The following PIK3C2G variants were observed in gnomAD, a reference collection of about 807,000 sequenced individuals.
PIK3C2G encodes phosphatidylinositol-4-phosphate 3-kinase catalytic subunit type 2 gamma.
In PIK3C2G, 168 loss-of-function variants were observed where a neutral mutation model predicts 181.1. That is an observed-to-expected ratio of 0.93 (90% CI 0.82 to 1.05). The LOEUF (loss-of-function observed/expected upper bound fraction) is 1.05. PIK3C2G is among the 50% of genes least tolerant of loss of function. PIK3C2G has a pLI of 0.00. For synonymous variants in PIK3C2G, 573 were observed against 592.2 expected (o/e 0.97, Z 0.47); for missense variants, 1,869 against 1,732.8 (o/e 1.08, Z -1.40).
At chr12:18,642,861 TAGAG>T (rs1217687415) in intron 32 of PIK3C2G, among the ~76,000 whole-genome samples, 5 of 151,180 alleles carry the variant, frequency 3.3e-5, no homozygotes, top group South Asian at 2.1e-4. Flanking sequence ...CATATATATA[TAGAG>T]AGAGAGAGAT....
chr12:18,360,741 C>G (rs1016805533), intron 11 of PIK3C2G, among the ~76,000 whole-genome samples: 1 of 152,100 alleles, frequency 6.6e-6, no homozygotes, highest in African/African-American at 2.4e-5. Flanking sequence ...AATAATCTTA[C>G]GAATGTTCTC....
intron 5 of PIK3C2G, among the ~76,000 whole-genome samples, chr12:18,294,398 C>A (rs778683632): frequency 5.6e-4 from 85 of 151,902 alleles, no homozygotes; most frequent in Non-Finnish European, 1.0e-3. Context: ...TAAATAAATT[C>A]TTTGGTGATA....
At position 18,563,483 on chromosome 12, in the gene PIK3C2G, C is replaced by T; in HGVS notation, c.3887C>T (p.Ser1296Leu). 1 of 1,613,732 alleles carries T rather than the reference C, an allele frequency of 6.2e-7. No homozygotes were observed. The highest frequency in any genetic ancestry group is 2.2e-5 in the East Asian group (1 of 44,850). Residue 1296 changes from serine to leucine, a missense_variant, in exon 28 of 33, where the codon TCA (serine) becomes TTA (leucine). Transcript: ENST00000538779. ...AGCCAACTTCAGAAGCAGTTTGCATCACTGACTCTCCCAGAGTAAGGCACT... is the reference window on the plus strand; with the variant it reads ...AGCCAACTTCAGAAGCAGTTTGCATTACTGACTCTCCCAGAGTAAGGCACT... ...LHSQLQKQFA[S>L]LTLPEFPHWW...
chr12:18,409,565 A>C (rs1003267710), intron 16 of PIK3C2G, among the ~76,000 whole-genome samples: 2 of 152,124 alleles, frequency 1.3e-5, no homozygotes, highest in African/African-American at 4.8e-5. Flanking sequence ...TAAAAAATAA[A>C]AATAAGCTTC....
chr12:18,705,122 A>G, the PIK3C2G span: 2 of 1,604,026 alleles, frequency 1.2e-6, no homozygotes, highest in Admixed American at 1.7e-5. Context: ...ACATGTTTTC[A>G]TGGACTTTTT....
intron 22 of PIK3C2G, among the ~76,000 whole-genome samples, 197 bp from the exon 23 acceptor site, chr12:18,503,084 C>T (rs1258728030): frequency 7.2e-5 from 11 of 152,128 alleles, no homozygotes; most frequent in Admixed American, 7.2e-4. Context: ...GATCCAAACA[C>T]AAGTAGCCTC....
In PIK3C2G at chr12:18,488,480, T is replaced by C. The variant is rs751991133; in HGVS notation, c.2536T>C (p.Phe846Leu). The change falls in exon 19 of 33, where the codon TTT (phenylalanine) becomes CTT (leucine). Residue 846 changes from phenylalanine (F) to leucine (L), a missense_variant. By Grantham distance (22) the Phe-to-Leu change is conservative (BLOSUM62 0). Coordinates refer to ENST00000538779, the MANE Select transcript of PIK3C2G (RefSeq NM_001288772.2). ...LLKNAENEAY[F>L]KSWYQKLLAA... ...AAAAAATGCAGAAAATGAAGCTTAT[T>C]TTAAAAGCTGGTATCAGAAGCTACT... 7 of 1,535,188 alleles carry C rather than the reference T, an allele frequency of 4.6e-6. No homozygotes were observed. The East Asian group carries it at 1.4e-4, about 32-fold the overall frequency.
At chr12:18,656,608 C>T in the PIK3C2G span, among the ~76,000 whole-genome samples, 3 of 152,040 alleles carry the variant, frequency 2.0e-5, no homozygotes, top group African/African-American at 7.2e-5. Context: ...TGGTTACATG[C>T]ACCTGGTGTC....
intron 18 of PIK3C2G, among the ~76,000 whole-genome samples, chr12:18,477,356 C>T (rs61247748): frequency 0.023 from 3,436 of 152,188 alleles, 138 homozygotes; most frequent in African/African-American, 0.08. Flanking sequence ...AACTGTTAAA[C>T]TGCTTGTACA....
intron 23 of PIK3C2G, among the ~76,000 whole-genome samples, chr12:18,503,925 G>A (rs1941666034): frequency 6.6e-6 from 1 of 152,172 alleles, no homozygotes; most frequent in Non-Finnish European, 1.5e-5. Flanking sequence ...GGCTTGCAGT[G>A]TACAGTTGTG....
chr12:18,280,909 A>G (rs977756443), intron 1 of PIK3C2G, among the ~76,000 whole-genome samples: 1 of 151,978 alleles, frequency 6.6e-6, no homozygotes, highest in African/African-American at 2.4e-5. Context: ...TCCTACAAGG[A>G]CTGGTGGATT....
intron 8 of PIK3C2G, among the ~76,000 whole-genome samples, chr12:18,334,725 C>G (rs540368087): frequency 6.6e-6 from 1 of 151,998 alleles, no homozygotes; most frequent in East Asian, 1.9e-4. Flanking sequence ...TTTGTTATTT[C>G]TTGAAATAGG....
chr12:18,296,239 A>G (rs1949935261), intron 5 of PIK3C2G, among the ~76,000 whole-genome samples: 1 of 152,166 alleles, frequency 6.6e-6, no homozygotes, highest in South Asian at 2.1e-4. Context: ...ATGAACCCAT[A>G]TAATGCATAT....
intron 16 of PIK3C2G, among the ~76,000 whole-genome samples, chr12:18,411,482 T>C (rs1944866028): frequency 8.7e-6 from 1 of 115,382 alleles, no homozygotes; most frequent in African/African-American, 3.9e-5. Flanking sequence ...ACATTTACAA[T>C]CATCTTAAAA....
At chr12:18,540,042 C>T (rs1431190145) in intron 25 of PIK3C2G, among the ~76,000 whole-genome samples, 3 of 151,750 alleles carry the variant, frequency 2.0e-5, no homozygotes, top group East Asian at 3.9e-4. Context: ...GTCTGTGATT[C>T]TGACCCCATT....
chr12:18,416,515 T>C (rs891929678), intron 16 of PIK3C2G, among the ~76,000 whole-genome samples: 2 of 152,182 alleles, frequency 1.3e-5, no homozygotes, highest in Admixed American at 1.3e-4. Flanking sequence ...GAAGACAAGC[T>C]GACTCTCTTG....
intron 16 of PIK3C2G, among the ~76,000 whole-genome samples, chr12:18,402,301 T>C (rs1352692515): frequency 6.6e-6 from 1 of 152,088 alleles, no homozygotes; most frequent in Non-Finnish European, 1.5e-5. Flanking sequence ...TGATTCCACT[T>C]GTATGAAATG....
intron 22 of PIK3C2G, among the ~76,000 whole-genome samples, chr12:18,498,842 T>C (rs1941211087): frequency 2.0e-5 from 3 of 152,224 alleles, no homozygotes; most frequent in Non-Finnish European, 1.5e-5. Context: ...AAATACTTTC[T>C]AAATCTCTAG....
rs1303942226 is a variant in PIK3C2G, at chr12:18,612,662, T to G, written c.4182+3033T>G. 2.0e-5 allele frequency among the ~76,000 whole-genome samples: 3 copies of G among 152,158 alleles called. No homozygotes were observed. The East Asian group carries it at 5.8e-4, about 29-fold the overall frequency. On this transcript the variant is annotated intron_variant, in intron 31 of 32. Coordinates refer to ENST00000538779, the MANE Select transcript of PIK3C2G (RefSeq NM_001288772.2). ...AATCCATCTATAAATTCTCAACATA[T>G]TTTATTTGCTAATTTCAAGTTTTAG...
Sources: allele counts gnomAD v4.1 joint callset (sites outside exome capture counted in the v4.1 genomes callset), GRCh38; gene constraint gnomAD v4.1.1; transcripts MANE v1.5; gene names NCBI Gene and HGNC (gene_info 2026-07-23, HGNC 2026-07-21).